SPOCK3: variants seen among roughly 807,000 people sequenced by gnomAD.
SPOCK3 encodes SPARC (osteonectin), cwcv and kazal like domains proteoglycan 3.
A neutral mutation model predicts 56.6 loss-of-function variants in SPOCK3; 30 were observed. That is an observed-to-expected ratio of 0.53 (90% CI 0.40 to 0.72). The LOEUF (loss-of-function observed/expected upper bound fraction) is 0.72. Among genes scored for constraint, SPOCK3 ranks in the 30% least tolerant of loss-of-function variants. SPOCK3 has a pLI of 0.00. For missense variants in SPOCK3, 527 were observed against 530.0 expected (o/e 0.99, Z 0.06); for synonymous variants, 196 against 183.3 (o/e 1.07, Z -0.56).
chr4:167,057,762 T>C (rs531967798), intron 3 of SPOCK3, among the ~76,000 whole-genome samples: 1 of 152,274 alleles, frequency 6.6e-6, no homozygotes, highest in African/African-American at 2.4e-5. Flanking sequence ...ATGCATCCAA[T>C]ACAGGAGCAC....
chr4:166,773,922 C>G (rs1356362907), intron 7 of SPOCK3, among the ~76,000 whole-genome samples: 1 of 152,100 alleles, frequency 6.6e-6, no homozygotes, highest in East Asian at 1.9e-4. Flanking sequence ...CTCTTATACT[C>G]TGTAAATGTG....
intron 4 of SPOCK3, among the ~76,000 whole-genome samples, chr4:166,941,785 A>G (rs4634252): frequency 0.14 from 21,225 of 152,182 alleles, 1,687 homozygotes; most frequent in Middle Eastern, 0.21. Flanking sequence ...GTAGTCCTGT[A>G]GTGAGTTCCC....
At chr4:167,120,004 A>G (rs1361362929) in intron 2 of SPOCK3, 3 of 582,252 alleles carry the variant, frequency 5.2e-6, no homozygotes, top group Admixed American at 3.3e-5. Context: ...TTTTATGTTA[A>G]AGCAGTGTAT....
chr4:166,740,966 A>G (rs1179411018), intron 9 of SPOCK3, among the ~76,000 whole-genome samples: 1 of 152,186 alleles, frequency 6.6e-6, no homozygotes, highest in African/African-American at 2.4e-5. Context: ...TAAACTTTTA[A>G]TTTTGTACAA....
At chr4:167,087,679 T>A (rs557076313) in intron 2 of SPOCK3, among the ~76,000 whole-genome samples, 4 of 152,178 alleles carry the variant, frequency 2.6e-5, no homozygotes, top group African/African-American at 9.6e-5. Flanking sequence ...CCTAAAGTTA[T>A]TGAATTTATT....
chr4:167,013,288 G>A (rs1750270946), intron 3 of SPOCK3, among the ~76,000 whole-genome samples: 1 of 151,682 alleles, frequency 6.6e-6, no homozygotes, highest in Admixed American at 6.6e-5. Context: ...GCTATTACAA[G>A]GCAGAAATTT....
intron 2 of SPOCK3, among the ~76,000 whole-genome samples, chr4:167,228,883 TAC>T (rs1305473576): frequency 6.6e-6 from 1 of 152,136 alleles, no homozygotes; most frequent in Non-Finnish European, 1.5e-5. Context: ...TACTGCATGC[TAC>T]AGTCTTCACC....
chr4:166,742,410 A>G (rs1007500528), intron 8 of SPOCK3, among the ~76,000 whole-genome samples: 6 of 152,174 alleles, frequency 3.9e-5, no homozygotes, highest in African/African-American at 4.8e-5. Flanking sequence ...GATGAAAAAT[A>G]CTTCTTATCA....
intron 6 of SPOCK3, among the ~76,000 whole-genome samples, chr4:166,844,756 C>CTATCTATG (rs1747879805): frequency 6.6e-6 from 1 of 152,136 alleles, no homozygotes; most frequent in Non-Finnish European, 1.5e-5. Flanking sequence ...ATATCTATAT[C>CTATCTATG]TATCTATGTA....
intron 4 of SPOCK3, among the ~76,000 whole-genome samples, chr4:166,992,126 A>G (rs1370690217): frequency 1.3e-5 from 2 of 152,074 alleles, no homozygotes; most frequent in East Asian, 1.9e-4. Flanking sequence ...GCACAAAAAT[A>G]TATATTAAAA....
chr4:167,004,294 T>C (rs992038530), intron 3 of SPOCK3, among the ~76,000 whole-genome samples: 1 of 152,064 alleles, frequency 6.6e-6, no homozygotes, highest in African/African-American at 2.4e-5. Flanking sequence ...ACCCACCAAG[T>C]GCACAAAATG....
chr4:167,135,900 A>G (rs898402292), intron 2 of SPOCK3, among the ~76,000 whole-genome samples: 3 of 152,288 alleles, frequency 2.0e-5, no homozygotes, highest in African/African-American at 7.2e-5. Flanking sequence ...TAAAAAGGCA[A>G]CCATATCCTT....
chr4:167,178,277 T>C (rs1731153501), intron 2 of SPOCK3, among the ~76,000 whole-genome samples: 1 of 152,046 alleles, frequency 6.6e-6, no homozygotes, highest in Admixed American at 6.6e-5. Flanking sequence ...ATGGTGAGGG[T>C]TTCACTTCTC....
intron 4 of SPOCK3, among the ~76,000 whole-genome samples, chr4:166,932,837 T>C (rs1294132996): frequency 1.3e-5 from 2 of 152,196 alleles, no homozygotes; most frequent in Non-Finnish European, 1.5e-5. Flanking sequence ...AGTGCTTTTC[T>C]GGCAAACTAA....
intron 2 of SPOCK3, among the ~76,000 whole-genome samples, chr4:167,105,473 A>AAC (rs1554036694): frequency 2.0e-5 from 3 of 150,472 alleles, no homozygotes; most frequent in African/African-American, 4.9e-5. Flanking sequence ...TAAAAAAAAA[A>AAC]AAAAAAACGA....
intron 5 of SPOCK3, among the ~76,000 whole-genome samples, chr4:166,889,493 T>C (rs1019751372): frequency 1.3e-5 from 2 of 151,952 alleles, no homozygotes; most frequent in Admixed American, 1.3e-4. Flanking sequence ...ATATAATAGG[T>C]TTAAAAGTCA....
intron 4 of SPOCK3, among the ~76,000 whole-genome samples, chr4:166,933,558 T>C (rs1740037393): frequency 6.6e-6 from 1 of 152,188 alleles, no homozygotes; most frequent in African/African-American, 2.4e-5. Flanking sequence ...ATTATTATTA[T>C]TTAACATGTA....
Position 166,952,277 on chromosome 4 carries a change from T to C in SPOCK3, c.351-39534A>G, listed in dbSNP as rs369120241. Reference sequence around the variant, plus strand: ...AATGTACAAAAATCACAAGCATTCTTATACACCAATAACAGACAAACAGAG... The same window carrying C: ...AATGTACAAAAATCACAAGCATTCTCATACACCAATAACAGACAAACAGAG... On this transcript the variant is annotated intron_variant, in intron 4 of 10. Transcript: ENST00000357545. Among the ~76,000 whole-genome samples the C allele has an allele frequency of 4.6e-5, 7 of 152,242 alleles. No individual in the cohort carries two copies. The East Asian group carries it at 1.4e-3, about 29-fold the overall frequency.
At chr4:166,811,725 C>T (rs1212817948) in intron 6 of SPOCK3, among the ~76,000 whole-genome samples, 2 of 151,730 alleles carry the variant, frequency 1.3e-5, no homozygotes, top group Non-Finnish European at 3.0e-5. Context: ...AAGAGAATTG[C>T]TATTATTTGC....
Sources: allele counts gnomAD v4.1 joint callset (sites outside exome capture counted in the v4.1 genomes callset), GRCh38; gene constraint gnomAD v4.1.1; transcripts MANE v1.5; gene names NCBI Gene and HGNC (gene_info 2026-07-23, HGNC 2026-07-21).